The following DCDC2 variants were observed in gnomAD, a reference collection of about 807,000 sequenced individuals.
DCDC2 encodes doublecortin domain-containing protein 2.
Under a neutral mutation model 50.2 loss-of-function variants are expected in DCDC2, and 40 were observed. The observed-to-expected ratio is 0.80, with a 90% confidence interval of 0.62 to 1.04. The LOEUF is 1.04. DCDC2 is among the 50% of genes least tolerant of loss of function. DCDC2 has a pLI of 0.00. For synonymous variants in DCDC2, 234 were observed against 210.6 expected (o/e 1.11, Z -0.96); for missense variants, 570 against 581.9 (o/e 0.98, Z 0.21).
chr6:24,377,922 G>A, the DCDC2 span, among the ~76,000 whole-genome samples: 1 of 152,128 alleles, frequency 6.6e-6, no homozygotes. Flanking sequence ...CCGGGAGGCG[G>A]AGGTTGCAGT....
rs370978944 is a variant in DCDC2 at position 24,293,037 on chromosome 6, T to C, written c.558-1959A>G. ...CATAGCTAGAAATTAAAAACCAGCA[T>C]AGCTGTGGACTCTGGAAACAGCCAA... On this transcript the variant is annotated intron_variant, in intron 4 of 9. Transcript: ENST00000378454. 2.6e-5 allele frequency among the ~76,000 whole-genome samples: 4 copies of C among 152,338 alleles called. No individual in the cohort carries two copies. In the South Asian group the frequency reaches 6.2e-4, roughly 24 times the overall value.
chr6:24,340,820 G>A lies in DCDC2; in HGVS notation c.348+12749C>T, dbSNP rs144020063. ...GGCTCACCGCAACCTCCACCTCCCC[G>A]GCTCAAGCAATTCTCCTACCTCAGC... On this transcript the variant is annotated intron_variant, in intron 2 of 9. Transcript: ENST00000378454. Among the ~76,000 whole-genome samples the A allele has an allele frequency of 3.0e-3, 451 of 152,152 alleles. 1 individual carries two copies. The highest frequency in any genetic ancestry group is 0.01 in the African/African-American group (417 of 41,494).
At chr6:24,263,924 T>C (rs1479692437) in intron 7 of DCDC2, among the ~76,000 whole-genome samples, 1 of 151,998 alleles carries the variant, frequency 6.6e-6, no homozygotes, top group Non-Finnish European at 1.5e-5. Context: ...TAAGACAACC[T>C]CAAGACATTT....
chr6:24,246,864 A>C (rs2113795856), intron 7 of DCDC2, among the ~76,000 whole-genome samples: 1 of 152,280 alleles, frequency 6.6e-6, no homozygotes, highest in East Asian at 1.9e-4. Flanking sequence ...TGTTTCTAAT[A>C]TCCACATACG....
At chr6:24,196,813 T>C (rs150083941) in intron 8 of DCDC2, among the ~76,000 whole-genome samples, 8 of 152,330 alleles carry the variant, frequency 5.3e-5, no homozygotes, top group African/African-American at 1.9e-4. Context: ...CAGTAGTTAC[T>C]TAATCAATGG....
intron 8 of DCDC2, among the ~76,000 whole-genome samples, chr6:24,180,019 T>C (rs1761031623): frequency 6.6e-6 from 1 of 151,506 alleles, no homozygotes; most frequent in South Asian, 2.1e-4. Context: ...AGCCAAGACT[T>C]TGGAGAAAAA....
the DCDC2 span, among the ~76,000 whole-genome samples, chr6:24,379,792 A>G: frequency 0.12 from 18,121 of 152,202 alleles, 1,463 homozygotes; most frequent in East Asian, 0.17. Context: ...AACCAACCCA[A>G]ATGTCCATCA....
At chr6:24,348,782 T>C (rs1760312160) in intron 2 of DCDC2, among the ~76,000 whole-genome samples, 1 of 152,152 alleles carries the variant, frequency 6.6e-6, no homozygotes, top group Non-Finnish European at 1.5e-5. Flanking sequence ...TGAGCACACC[T>C]CTAGCACAGC....
intron 6 of DCDC2, among the ~76,000 whole-genome samples, chr6:24,286,797 T>C (rs1240769549): frequency 1.3e-5 from 2 of 152,158 alleles, no homozygotes; most frequent in Non-Finnish European, 2.9e-5. Context: ...TTTTCTCAAA[T>C]TCCAAGCTTA....
intron 9 of DCDC2, among the ~76,000 whole-genome samples, chr6:24,175,494 A>G (rs556520481): frequency 6.6e-6 from 1 of 152,288 alleles, no homozygotes; most frequent in Non-Finnish European, 1.5e-5. Flanking sequence ...AGCCCCCACA[A>G]GGGCACCCAG....
chr6:24,308,585 T>A (rs1308804428), intron 2 of DCDC2, among the ~76,000 whole-genome samples: 1 of 152,110 alleles, frequency 6.6e-6, no homozygotes, highest in Non-Finnish European at 1.5e-5. Flanking sequence ...CGACCCGTTA[T>A]CAAGAGAAAT....
the DCDC2 span, among the ~76,000 whole-genome samples, chr6:24,375,464 C>G: frequency 2.0e-5 from 3 of 152,166 alleles, no homozygotes; most frequent in South Asian, 2.1e-4. Flanking sequence ...GCAATGAAAG[C>G]TTTCAGTGGT....
chr6:24,316,614 C>T (rs1759672722), intron 2 of DCDC2, among the ~76,000 whole-genome samples: 1 of 152,156 alleles, frequency 6.6e-6, no homozygotes, highest in African/African-American at 2.4e-5. Flanking sequence ...AACTACCTTA[C>T]TGATAACATT....
intron 4 of DCDC2, among the ~76,000 whole-genome samples, chr6:24,291,673 G>C (rs1472488369): frequency 1.3e-5 from 2 of 151,496 alleles, no homozygotes; most frequent in Middle Eastern, 6.8e-3. Context: ...TTTTAGTAGA[G>C]ACCGGGTTTC....
At chr6:24,292,039 A>G (rs1001004696) in intron 4 of DCDC2, among the ~76,000 whole-genome samples, 2 of 152,146 alleles carry the variant, frequency 1.3e-5, no homozygotes, top group Admixed American at 6.5e-5. Flanking sequence ...AGTGAACATT[A>G]TATCTTCCCA....
At chr6:24,207,509 T>C (rs1761747173) in intron 7 of DCDC2, among the ~76,000 whole-genome samples, 1 of 152,180 alleles carries the variant, frequency 6.6e-6, no homozygotes, top group South Asian at 2.1e-4. Context: ...ATAGATACTA[T>C]TCATCTGATT....
At chr6:24,230,411 G>A (rs919958082) in intron 7 of DCDC2, among the ~76,000 whole-genome samples, 1 of 152,150 alleles carries the variant, frequency 6.6e-6, no homozygotes, top group South Asian at 2.1e-4. Context: ...GGAGGCTGAG[G>A]TGGGTGAATC....
chr6:24,187,968 C>T (rs922619223), intron 8 of DCDC2, among the ~76,000 whole-genome samples: 3 of 152,194 alleles, frequency 2.0e-5, no homozygotes, highest in African/African-American at 4.8e-5. Flanking sequence ...CAAGTAGTGA[C>T]AAAAGGATTT....
At chr6:24,308,319 A>C (rs965007745) in intron 2 of DCDC2, among the ~76,000 whole-genome samples, 2 of 152,218 alleles carry the variant, frequency 1.3e-5, no homozygotes, top group African/African-American at 4.8e-5. Flanking sequence ...CCCTGATTTC[A>C]CCCTCAAAGT....
Sources: allele counts gnomAD v4.1 joint callset (sites outside exome capture counted in the v4.1 genomes callset), GRCh38; gene constraint gnomAD v4.1.1; transcripts MANE v1.5; gene names NCBI Gene and HGNC (gene_info 2026-07-23, HGNC 2026-07-21).